Variants in GSE1 observed in about 807,000 individuals in gnomAD.
GSE1 encodes genetic suppressor element 1.
Under a neutral mutation model 112.6 loss-of-function variants are expected in GSE1, and 32 were observed. The ratio of observed to expected loss-of-function variants is 0.28; its 90% CI spans 0.21 to 0.38. GSE1 has a LOEUF of 0.38. GSE1 is among the 10% of genes least tolerant of loss of function. GSE1 has a pLI of 1.00. For missense variants in GSE1, 2,348 were observed against 1,699.2 expected (o/e 1.38, Z -6.71); for synonymous variants, 1,115 against 735.6 (o/e 1.52, Z -8.35).
intron 2 of GSE1, among the ~76,000 whole-genome samples, chr16:85,382,609 A>G (rs729115): frequency 0.83 from 126,808 of 152,188 alleles, 53,010 homozygotes; most frequent in Non-Finnish European, 0.87. Context: ...GATGCTGGGT[A>G]AGATGGGAGG....
At chr16:85,338,522 A>G (rs1421223742) in intron 1 of GSE1, among the ~76,000 whole-genome samples, 1 of 152,234 alleles carries the variant, frequency 6.6e-6, no homozygotes, top group Admixed American at 6.5e-5. Context: ...TGTTTGGAGG[A>G]TCAGGCAAGT....
chr16:85,291,236 T>A (rs910168160), intron 1 of GSE1, among the ~76,000 whole-genome samples: 3 of 152,138 alleles, frequency 2.0e-5, no homozygotes, highest in Non-Finnish European at 4.4e-5. Context: ...GGTCTCCTGA[T>A]CACCTTGAGC....
intron 1 of GSE1, among the ~76,000 whole-genome samples, chr16:85,570,999 G>T (rs2045958683): frequency 6.6e-6 from 1 of 152,198 alleles, no homozygotes; most frequent in Admixed American, 6.5e-5. Flanking sequence ...TGAAGCGTTG[G>T]TTACTTTTGA....
At chr16:85,236,001 G>C (rs549435768) in intron 1 of GSE1, among the ~76,000 whole-genome samples, 2 of 147,096 alleles carry the variant, frequency 1.4e-5, no homozygotes, top group Admixed American at 1.3e-4. Flanking sequence ...TGGGCCTGGG[G>C]CTGAGGCTGG....
intron 2 of GSE1, among the ~76,000 whole-genome samples, chr16:85,513,674 C>A (rs2051822450): frequency 6.6e-6 from 1 of 152,168 alleles, no homozygotes; most frequent in Non-Finnish European, 1.5e-5. Flanking sequence ...GGAATCCCGC[C>A]TGAATCTCCA....
intron 1 of GSE1, among the ~76,000 whole-genome samples, chr16:85,332,054 C>A (rs1434229426): frequency 1.3e-5 from 2 of 151,338 alleles, no homozygotes; most frequent in African/African-American, 2.4e-5. Flanking sequence ...TGGCAACCAT[C>A]TGGGGGCTCC....
chr16:85,318,544 C>A (rs923187553), intron 1 of GSE1, among the ~76,000 whole-genome samples: 21 of 152,188 alleles, frequency 1.4e-4, no homozygotes, highest in African/African-American at 4.8e-4. Flanking sequence ...GGATTACAAG[C>A]GTGAGCCACT....
intron 2 of GSE1, among the ~76,000 whole-genome samples, chr16:85,520,919 C>G (rs1213762769): frequency 6.6e-6 from 1 of 152,198 alleles, no homozygotes. Flanking sequence ...GCCCGCCACC[C>G]TCTGACAGCT....
At position 85,672,758 on chromosome 16, in the gene GSE1, G is replaced by C. The variant is rs896128885; in HGVS notation, c.*219G>C. The stretch of plus-strand genomic sequence containing the variant: ...GTCATTCAGCGAGCAACCAATGTAG[G>C]ATTGCCCACAGTTTTTCTTTTTAAA... On this transcript the variant is annotated 3_prime_UTR_variant, in exon 16 of 16. Transcript: ENST00000253458. 2.6e-6 allele frequency: 1 copy of C among 377,872 alleles called. No individual in the cohort carries two copies. Among genetic ancestry groups the C allele is most frequent in the Non-Finnish European group, 4.7e-6 (1 of 210,752 alleles). 23.4% of individuals were successfully genotyped at this position (377,872 alleles called of 1,614,324 possible). A position where few individuals can be genotyped will look rare whatever the true frequency, so the allele number is the denominator to read the frequency against.
At chr16:85,553,866 C>A (rs2045061777), upstream of GSE1, among the ~76,000 whole-genome samples, 1 of 152,198 alleles carries the variant, frequency 6.6e-6, no homozygotes, top group South Asian at 2.1e-4. Flanking sequence ...CATTTGAAGC[C>A]GCTGCATTTA....
intron 1 of GSE1, among the ~76,000 whole-genome samples, chr16:85,220,998 G>T (rs938091859): frequency 3.3e-5 from 5 of 150,366 alleles, no homozygotes; most frequent in Non-Finnish European, 5.9e-5. Flanking sequence ...GCACATGGGA[G>T]AACAGCCAAG....
chr16:85,583,851 G>C (rs900562500), intron 1 of GSE1, among the ~76,000 whole-genome samples: 1 of 152,208 alleles, frequency 6.6e-6, no homozygotes, highest in Non-Finnish European at 1.5e-5. Flanking sequence ...TGCCTCCCCG[G>C]CGGCCTCTGC....
In GSE1 at chr16:85,450,009, C is replaced by T. The variant is rs141261438; in HGVS notation, c.2464+92366C>T. 6.6e-5 allele frequency among the ~76,000 whole-genome samples: 10 copies of T among 152,082 alleles called. No homozygotes were observed. The East Asian group carries it at 1.9e-3, about 29-fold the overall frequency. On this transcript the variant is annotated intron_variant, in intron 2 of 2. Coordinates refer to the GSE1 transcript ENST00000637419. The stretch of plus-strand genomic sequence containing the variant: ...CCCCAGTGGCCTTCTGTCTTCAGCC[C>T]CTTGGTGTAGAATCGGAACCACACA...
At chr16:85,589,350 C>T (rs1364904552) in intron 1 of GSE1, among the ~76,000 whole-genome samples, 1 of 152,108 alleles carries the variant, frequency 6.6e-6, no homozygotes, top group Non-Finnish European at 1.5e-5. Context: ...GGGCTGTGGA[C>T]CTGAGAGCCC....
chr16:85,649,243 C>T lies in GSE1; in HGVS notation c.426+492C>T, dbSNP rs547591784. The stretch of plus-strand genomic sequence containing the variant: ...AAGACCGTGTCTCCAAATGCAGTTC[C>T]GTTCTGAGGCCCTGGGCATCAGGGC... On this transcript the variant is annotated intron_variant, in intron 3 of 15. Coordinates refer to ENST00000253458, the MANE Select transcript of GSE1 (RefSeq NM_014615.5). Among the ~76,000 whole-genome samples, 58 of 152,234 alleles carry T rather than the reference C, an allele frequency of 3.8e-4. 1 individual carries two copies. The Middle Eastern group carries it at 0.01, about 27-fold the overall frequency.
At chr16:85,555,675 GCCC>G, upstream of GSE1, 5 of 344,234 alleles carry the variant, frequency 1.5e-5, no homozygotes, top group Non-Finnish European at 1.7e-5. Flanking sequence ...CCCTCCCGCC[GCCC>G]CCCCCTTCCT....
chr16:85,331,461 G>GCGTATATA (rs2046353052), intron 1 of GSE1, among the ~76,000 whole-genome samples: 1 of 137,934 alleles, frequency 7.2e-6, no homozygotes, highest in South Asian at 2.3e-4. Flanking sequence ...GTATATATAT[G>GCGTATATA]TGTGTATATA....
At chr16:85,408,745 A>T (rs1597648861) in intron 2 of GSE1, among the ~76,000 whole-genome samples, 2 of 53,254 alleles carry the variant, frequency 3.8e-5, no homozygotes, top group Admixed American at 1.6e-4. Flanking sequence ...TGTCACTCTC[A>T]GGCCCCCCTG....
At chr16:85,175,336 C>G (rs1272046833) in intron 1 of GSE1, among the ~76,000 whole-genome samples, 2 of 152,182 alleles carry the variant, frequency 1.3e-5, no homozygotes, top group Admixed American at 1.3e-4. Flanking sequence ...GGCACCCCTG[C>G]CCCAAGGACG....
Sources: gnomAD v4.1 joint callset for allele counts (sites outside exome capture counted in the v4.1 genomes callset) on GRCh38, gnomAD v4.1.1 for gene constraint, MANE v1.5 for transcripts, NCBI Gene and HGNC (gene_info 2026-07-23, HGNC 2026-07-21) for gene names.